Variants in LRBA observed in about 807,000 individuals in gnomAD.
LRBA encodes lipopolysaccharide-responsive and beige-like anchor protein.
In LRBA, 176 loss-of-function variants were observed where a neutral mutation model predicts 330.0. The observed-to-expected ratio is 0.53, with a 90% CI of 0.47 to 0.60. The LOEUF is 0.60. LRBA is among the 20% of genes least tolerant of loss of function. LRBA has a pLI of 0.00. For synonymous variants in LRBA, 1,230 were observed against 1,193.0 expected (o/e 1.03, Z -0.64); for missense variants, 3,259 against 3,444.8 (o/e 0.95, Z 1.35).
At chr4:150,284,594 G>A (rs962167523) in intron 54 of LRBA, among the ~76,000 whole-genome samples, 1 of 152,086 alleles carries the variant, frequency 6.6e-6, no homozygotes, top group Non-Finnish European at 1.5e-5. Context: ...GAGTGCAGTG[G>A]CATGATCATG....
At chr4:150,693,894 A>T (rs1183764897) in intron 36 of LRBA, among the ~76,000 whole-genome samples, 1 of 152,224 alleles carries the variant, frequency 6.6e-6, no homozygotes, top group Non-Finnish European at 1.5e-5. Context: ...GTTTTGAAAT[A>T]AAAATAAACT....
At chr4:150,815,279 T>C (rs888205706) in intron 31 of LRBA, among the ~76,000 whole-genome samples, 3 of 151,360 alleles carry the variant, frequency 2.0e-5, no homozygotes, top group Admixed American at 1.3e-4. Context: ...TTAAAGGACT[T>C]TGGATGGGGG....
chr4:150,743,795 C>T (rs150966986), intron 35 of LRBA, among the ~76,000 whole-genome samples: 3 of 152,302 alleles, frequency 2.0e-5, no homozygotes, highest in Non-Finnish European at 4.4e-5. Context: ...GTGAGTGAGG[C>T]TTAAGTCCTC....
At chr4:150,529,740 A>AC (rs1211601390) in intron 40 of LRBA, among the ~76,000 whole-genome samples, 1 of 152,014 alleles carries the variant, frequency 6.6e-6, no homozygotes. Flanking sequence ...AAAGAAAAAA[A>AC]AAATAATAAC....
chr4:150,608,377 G>C (rs1774889074), intron 37 of LRBA, among the ~76,000 whole-genome samples: 1 of 152,106 alleles, frequency 6.6e-6, no homozygotes, highest in Non-Finnish European at 1.5e-5. Flanking sequence ...GAATATTGCA[G>C]AACAGAAAAG....
intron 2 of LRBA, chr4:151,014,055 CA>C (rs1486132418): frequency 6.1e-5 from 10 of 165,228 alleles, no homozygotes; most frequent in African/African-American, 9.6e-5. Flanking sequence ...TTCTCAAGTC[CA>C]AAAAAAGGTC....
intron 2 of LRBA, among the ~76,000 whole-genome samples, chr4:150,954,174 C>G (rs1737254533): frequency 6.6e-6 from 1 of 151,046 alleles, no homozygotes; most frequent in South Asian, 2.1e-4. Flanking sequence ...CGGCCAGCCG[C>G]CCCGTCCAGA....
chr4:150,569,807 A>G (rs1168161921), intron 40 of LRBA, among the ~76,000 whole-genome samples: 4 of 152,130 alleles, frequency 2.6e-5, no homozygotes, highest in Non-Finnish European at 5.9e-5. Context: ...TGAATCATAA[A>G]CTGAAATCCA....
intron 40 of LRBA, among the ~76,000 whole-genome samples, chr4:150,555,073 T>C (rs1023875596): frequency 2.0e-5 from 3 of 152,188 alleles, no homozygotes; most frequent in Admixed American, 1.3e-4. Flanking sequence ...GTAATATTTA[T>C]AGAAAATAAG....
chr4:150,546,017 T>G (rs1765820962), intron 40 of LRBA, among the ~76,000 whole-genome samples: 1 of 152,138 alleles, frequency 6.6e-6, no homozygotes, highest in African/African-American at 2.4e-5. Flanking sequence ...CCCCCAAAGC[T>G]CTGAAGGCAT....
At chr4:150,705,151 CA>C (rs1785494334) in intron 36 of LRBA, among the ~76,000 whole-genome samples, 1 of 152,072 alleles carries the variant, frequency 6.6e-6, no homozygotes, top group Admixed American at 6.5e-5. Context: ...TCAATAGTAC[CA>C]GGGGCTCCTG....
intron 34 of LRBA, among the ~76,000 whole-genome samples, chr4:150,782,482 G>C (rs915391808): frequency 1.3e-5 from 2 of 152,110 alleles, no homozygotes; most frequent in Admixed American, 6.6e-5. Flanking sequence ...TCTGTTCCTT[G>C]CTTCTTCCAG....
At chr4:150,425,601 A>G (rs1749481445) in intron 46 of LRBA, among the ~76,000 whole-genome samples, 1 of 152,194 alleles carries the variant, frequency 6.6e-6, no homozygotes, top group Non-Finnish European at 1.5e-5. Context: ...TTATTAAGGT[A>G]TAATTTCCAC....
chr4:150,486,292 G>A (rs1201518760), intron 42 of LRBA, among the ~76,000 whole-genome samples: 1 of 151,736 alleles, frequency 6.6e-6, no homozygotes, highest in East Asian at 1.9e-4. Context: ...TTTCCTCTAG[G>A]TAGCACATAA....
chr4:151,003,708 C>T (rs971140049), intron 2 of LRBA, among the ~76,000 whole-genome samples: 1 of 152,016 alleles, frequency 6.6e-6, no homozygotes, highest in Non-Finnish European at 1.5e-5. Context: ...GGGAGGATTG[C>T]TTGAGCCCGG....
chr4:150,268,037 G>A (rs888563065), intron 56 of LRBA, among the ~76,000 whole-genome samples: 3 of 146,642 alleles, frequency 2.0e-5, no homozygotes, highest in Non-Finnish European at 4.5e-5. Context: ...TCCAGCCTGG[G>A]TGATAGAGTG....
At chr4:150,357,255 C>A (rs1581102873) in intron 47 of LRBA, among the ~76,000 whole-genome samples, 1 of 152,056 alleles carries the variant, frequency 6.6e-6, no homozygotes, top group East Asian at 1.9e-4. Flanking sequence ...ACTCGTGCAT[C>A]TTTTGGCAGG....
intron 22 of LRBA, among the ~76,000 whole-genome samples, chr4:150,854,236 C>T (rs575976523): frequency 1.5e-4 from 23 of 152,262 alleles, no homozygotes; most frequent in Admixed American, 3.3e-4. Flanking sequence ...GTAACTATTT[C>T]CACATTGTAA....
chr4:150,946,434 G>GA (rs1468762261), intron 2 of LRBA, among the ~76,000 whole-genome samples: 1 of 152,048 alleles, frequency 6.6e-6, no homozygotes, highest in Non-Finnish European at 1.5e-5. Flanking sequence ...TGACCACAAT[G>GA]AAATCAAACT....
Sources: allele counts gnomAD v4.1 joint callset (sites outside exome capture counted in the v4.1 genomes callset), GRCh38; gene constraint gnomAD v4.1.1; transcripts MANE v1.5; gene names NCBI Gene and HGNC (gene_info 2026-07-23, HGNC 2026-07-21).